CASS4: variants seen among roughly 807,000 people sequenced by gnomAD.
The protein encoded by CASS4 is Cas scaffold protein family member 4, also known as cas scaffolding protein family member 4.
CASS4 carries 22 observed loss-of-function variants against 54.2 expected under a neutral mutation model. The ratio of observed to expected loss-of-function variants is 0.41; its 90% CI spans 0.29 to 0.58. CASS4 has a LOEUF of 0.58. Among genes scored for constraint, CASS4 ranks in the 20% least tolerant of loss-of-function variants. The probability of loss-of-function intolerance (pLI) is 0.36; values close to 1 mark genes in which losing one functional copy is unlikely to be tolerated. For synonymous variants in CASS4, 409 were observed against 391.5 expected (o/e 1.04, Z -0.53); for missense variants, 854 against 986.7 (o/e 0.87, Z 1.80).
rs1161567365 is a variant in CASS4 at position 56,437,154 on chromosome 20, C to A, written c.37-10C>A. 2.6e-6 allele frequency: 4 copies of A among 1,528,708 alleles called. No individual in the cohort carries two copies. The highest frequency in any genetic ancestry group is 1.3e-5 in the South Asian group (1 of 77,890). The allele number at this position is 1,528,708 out of a possible 1,614,324, so 94.7% of individuals were successfully genotyped here. A position where few individuals can be genotyped will look rare whatever the true frequency, so the allele number is the denominator to read the frequency against. On this transcript the variant is annotated splice_polypyrimidine_tract_variant and intron_variant, in intron 1 of 5. Coordinates refer to ENST00000679887, the MANE Select transcript of CASS4 (RefSeq NM_020356.4). The surrounding 1 kb of genome is among the most constrained non-coding windows in gnomAD (Gnocchi z 4.7). ...AACTGCAAATTCTCTTCTCCCCTCT[C>A]CACCCACAGGCACTCCTGGCCAGGG...
Position 56,437,314 on chromosome 20 carries a change from G to A in CASS4, c.187G>A (p.Ala63Thr). ...TTTGCTCCATGGGAGGCAAGGCCTG[G>A]CCCCTGCCAACCGCCTCCAAATCCT... ...KCLLHGRQGL[A>T]PANRLQILTE... Residue 63 changes from alanine to threonine, a missense_variant, in exon 2 of 6, where the codon GCC (alanine) becomes ACC (threonine). Ala to Thr is a moderately conservative substitution (Grantham distance 58, BLOSUM62 0). Coordinates refer to ENST00000679887, the MANE Select transcript of CASS4 (RefSeq NM_020356.4). This position sits in a 1 kb window ranked among gnomAD's most constrained non-coding sequence, Gnocchi z 4.7. 2 of 1,614,128 alleles carry A rather than the reference G, an allele frequency of 1.2e-6. No individual in the cohort carries two copies.
chr20:56,436,334 A>ATGTGTG (rs1188295800), intron 1 of CASS4, among the ~76,000 whole-genome samples: 1 of 138,746 alleles, frequency 7.2e-6, no homozygotes, highest in Non-Finnish European at 1.5e-5. Context: ...ATTGCTATAT[A>ATGTGTG]TATGTGTGTG....
At chr20:56,417,321 G>A (rs530427713) in intron 1 of CASS4, among the ~76,000 whole-genome samples, 3 of 152,262 alleles carry the variant, frequency 2.0e-5, no homozygotes, top group Middle Eastern at 3.4e-3. Context: ...ATCCCACTCC[G>A]AGCAGCTCTC....
chr20:56,448,535 T>A (rs1041848600), intron 3 of CASS4, among the ~76,000 whole-genome samples: 4 of 152,026 alleles, frequency 2.6e-5, no homozygotes, highest in African/African-American at 9.7e-5. Context: ...ATGGGAACAC[T>A]TGATGGTTTG....
At chr20:56,451,377 G>A (rs556676623) in intron 4 of CASS4, among the ~76,000 whole-genome samples, 4 of 152,262 alleles carry the variant, frequency 2.6e-5, no homozygotes, top group Non-Finnish European at 5.9e-5. Context: ...GTTTATAATT[G>A]GATTCTACCA....
intron 1 of CASS4, among the ~76,000 whole-genome samples, chr20:56,432,207 AAGATAATAAACCTTTCAGATTATTGTTTC>A (rs1384473909): frequency 6.6e-6 from 1 of 152,196 alleles, no homozygotes; most frequent in East Asian, 1.9e-4. Flanking sequence ...AAAGTCCTAC[AAGATAATAAACCTTTCAGATTATTGTTTC>A]AGATAATAAA....
intron 1 of CASS4, among the ~76,000 whole-genome samples, chr20:56,417,087 G>T (rs1217352123): frequency 6.6e-6 from 1 of 152,212 alleles, no homozygotes; most frequent in Non-Finnish European, 1.5e-5. Flanking sequence ...GACAAAATGT[G>T]TTGGCTTGGA....
intron 1 of CASS4, among the ~76,000 whole-genome samples, chr20:56,423,457 C>A (rs1217401591): frequency 2.6e-5 from 4 of 151,474 alleles, no homozygotes; most frequent in Non-Finnish European, 5.9e-5. Flanking sequence ...GTTTTGAAAC[C>A]AAAAAGGGAG....
intron 1 of CASS4, among the ~76,000 whole-genome samples, chr20:56,427,418 GAAAGT>G (rs1979699009): frequency 1.3e-5 from 2 of 152,080 alleles, no homozygotes; most frequent in African/African-American, 2.4e-5. Context: ...TAAAATGATG[GAAAGT>G]AAACATTCAC....
At chr20:56,438,060 C>T (rs779838692) in intron 2 of CASS4, among the ~76,000 whole-genome samples, 2 of 152,098 alleles carry the variant, frequency 1.3e-5, no homozygotes, top group African/African-American at 4.8e-5. Context: ...GGGGACGAGA[C>T]AGGAGGATCA....
chr20:56,458,364 C>T lies in CASS4; in HGVS notation c.1978C>T (p.Pro660Ser), dbSNP rs35031530. The T allele has an allele frequency of 0.029, 46,059 of 1,612,804 alleles. 4,763 individuals are homozygous for T. Among genetic ancestry groups the T allele is most frequent in the East Asian group, 0.28 (12,332 of 44,816 alleles). Residue 660 changes from proline (P) to serine (S), a missense_variant, in exon 6 of 6, where the codon CCT becomes TCT. Physicochemically the swap from Pro to Ser is moderately conservative, Grantham distance 74. Coordinates refer to ENST00000679887, the MANE Select transcript of CASS4 (RefSeq NM_020356.4). Reference protein sequence around the residue: ...GQNPGPLIPQPSSQQTPERKP... With the variant: ...GQNPGPLIPQSSSQQTPERKP... ...GAATCCTGGCCCTCTTATACCTCAGCCTTCGAGTCAACAGACTCCTGAGAG... is the reference window on the plus strand; with the variant it reads ...GAATCCTGGCCCTCTTATACCTCAGTCTTCGAGTCAACAGACTCCTGAGAG...
intron 1 of CASS4, among the ~76,000 whole-genome samples, chr20:56,421,106 A>G (rs1265723788): frequency 1.3e-5 from 2 of 152,230 alleles, no homozygotes; most frequent in African/African-American, 4.8e-5. Flanking sequence ...TCATGCATTA[A>G]ACAGCTTGAG....
chr20:56,458,610 A>T lies in CASS4; in HGVS notation c.2224A>T (p.Ser742Cys), dbSNP rs1981434470. 3 of 1,613,990 alleles carry T rather than the reference A, an allele frequency of 1.9e-6. No homozygotes were observed. Among genetic ancestry groups the T allele is most frequent in the Non-Finnish European group, 1.7e-6 (2 of 1,179,984 alleles). The change falls in exon 6 of 6, where the codon AGC becomes TGC. Residue 742 changes from serine (S) to cysteine (C), a missense_variant. Ser to Cys is a moderately radical substitution (Grantham distance 112, BLOSUM62 -1). Coordinates refer to ENST00000679887, the MANE Select transcript of CASS4 (RefSeq NM_020356.4). The stretch of plus-strand genomic sequence containing the variant: ...CCTCCGTGGCAGCAGTCACCTCTGC[A>T]GCCTGCTCAAGGACGTAGCGCTGGC... ...EILRGSSHLC[S>C]LLKDVALATK...
intron 1 of CASS4, among the ~76,000 whole-genome samples, chr20:56,426,741 A>G (rs1979659185): frequency 6.6e-6 from 1 of 151,604 alleles, no homozygotes; most frequent in Non-Finnish European, 1.5e-5. Context: ...CCATGCCCAG[A>G]TAATTTTTAT....
intron 2 of CASS4, among the ~76,000 whole-genome samples, chr20:56,441,463 T>G (rs1204008537): frequency 1.3e-5 from 2 of 151,668 alleles, no homozygotes; most frequent in African/African-American, 4.8e-5. Context: ...AAATTAGCCA[T>G]GTGTGGTGGT....
intron 1 of CASS4, among the ~76,000 whole-genome samples, chr20:56,434,858 A>T (rs1386248726): frequency 1.3e-5 from 2 of 152,206 alleles, no homozygotes; most frequent in Non-Finnish European, 2.9e-5. Flanking sequence ...GTGAACAACT[A>T]TGCAAAAGAA....
chr20:56,432,902 G>T (rs540611118), intron 1 of CASS4, among the ~76,000 whole-genome samples: 2,356 of 152,094 alleles, frequency 0.015, 31 homozygotes, highest in South Asian at 0.025. Flanking sequence ...GGGCAGGGGC[G>T]TCACAGAAAT....
chr20:56,450,963 G>A (rs1413991677), intron 4 of CASS4, among the ~76,000 whole-genome samples: 1 of 150,912 alleles, frequency 6.6e-6, no homozygotes, highest in East Asian at 1.9e-4. Flanking sequence ...GAGGTCAGGA[G>A]TTCAAGACCA....
chr20:56,435,076 G>A (rs1338635033), intron 1 of CASS4, among the ~76,000 whole-genome samples: 1 of 152,078 alleles, frequency 6.6e-6, no homozygotes, highest in Admixed American at 6.6e-5. Context: ...GATTTTGTGG[G>A]GGATGTTCAA....
Sources: gnomAD v4.1 joint callset for allele counts (sites outside exome capture counted in the v4.1 genomes callset) on GRCh38, gnomAD v4.1.1 for gene constraint, Gnocchi (gnomAD v3.1) non-coding constraint, MANE v1.5 for transcripts, NCBI Gene and HGNC (gene_info 2026-07-23, HGNC 2026-07-21) for gene names.